The following CLTC variants were observed in gnomAD, a reference collection of about 807,000 sequenced individuals.
The protein encoded by CLTC is clathrin heavy chain 1.
A neutral mutation model predicts 195.8 loss-of-function variants in CLTC; 16 were observed. That is an observed-to-expected ratio of 0.08 (90% CI 0.06 to 0.12). The LOEUF is 0.12. CLTC is among the 10% of genes least tolerant of loss of function. CLTC has a pLI of 1.00. For missense variants in CLTC, 796 were observed against 2,027.0 expected, an observed-to-expected ratio of 0.39 and a Z score of 11.66; for synonymous variants, 667 against 689.4, an observed-to-expected ratio of 0.97 and a Z score of 0.51.
chr17:59,624,853 A>G (rs1408194167), intron 1 of CLTC, among the ~76,000 whole-genome samples: 2 of 152,154 alleles, frequency 1.3e-5, no homozygotes, highest in Non-Finnish European at 2.9e-5. Flanking sequence ...TTTTTTTGGT[A>G]GAGACAGAGT....
rs2033117154 is a variant in CLTC, at chr17:59,683,363, A to G, written c.4042-24A>G. 1.9e-6 allele frequency: 3 copies of G among 1,605,488 alleles called. No individual in the cohort carries two copies. Among genetic ancestry groups the G allele is most frequent in the Non-Finnish European group, 2.6e-6 (3 of 1,176,060 alleles). On this transcript the variant is annotated intron_variant, in intron 25 of 31. Transcript: ENST00000269122. The surrounding 1 kb of genome is among the most constrained non-coding windows in gnomAD (Gnocchi z 6.1). The stretch of plus-strand genomic sequence containing the variant: ...GGCTGTTAGCTAGACTCATATCTAA[A>G]GCAATTAAGTCTTTCTTATGCAGGT...
intron 1 of CLTC, among the ~76,000 whole-genome samples, chr17:59,636,911 C>T (rs2031876303): frequency 6.6e-6 from 1 of 151,472 alleles, no homozygotes; most frequent in Non-Finnish European, 1.5e-5. Context: ...TACAGGTGCC[C>T]ACCACCATGC....
In CLTC at chr17:59,685,863, C is replaced by T; in HGVS notation, c.4827+55C>T. On this transcript the variant is annotated intron_variant, in intron 30 of 31. Coordinates refer to ENST00000269122, the MANE Select transcript of CLTC (RefSeq NM_004859.4). The surrounding 1 kb of genome is among the most constrained non-coding windows in gnomAD (Gnocchi z 5.0). ...TAGTTTCCTTGCATGTAAAATTCTACATGCACATTAATTTTTTTAAATGCT... is the reference window on the plus strand; with the variant it reads ...TAGTTTCCTTGCATGTAAAATTCTATATGCACATTAATTTTTTTAAATGCT... The T allele has an allele frequency of 7.8e-7, 1 of 1,282,350 alleles. No individual in the cohort carries two copies. The highest frequency in any genetic ancestry group is 1.1e-6 in the Non-Finnish European group (1 of 925,114). 79.4% of individuals were successfully genotyped at this position (1,282,350 alleles called of 1,614,324 possible).
chr17:59,624,416 C>T, intron 1 of CLTC, among the ~76,000 whole-genome samples: 1 of 144,276 alleles, frequency 6.9e-6, no homozygotes, highest in Non-Finnish European at 1.5e-5. Context: ...GTTGTTGAAA[C>T]AAATGCTGTC....
chr17:59,622,133 A>G (rs973632586), intron 1 of CLTC, among the ~76,000 whole-genome samples: 4 of 152,230 alleles, frequency 2.6e-5, no homozygotes, highest in Non-Finnish European at 4.4e-5. Context: ...AACTGGATCA[A>G]AGTTTCTGCA....
At chr17:59,675,748 T>G (rs572588248) in intron 16 of CLTC, among the ~76,000 whole-genome samples, 1 of 152,290 alleles carries the variant, frequency 6.6e-6, no homozygotes, top group South Asian at 2.1e-4. Context: ...TTACTGCATA[T>G]TCCAAGCAAA....
chr17:59,673,220 G>C (rs1332525993), intron 14 of CLTC, among the ~76,000 whole-genome samples: 1 of 151,992 alleles, frequency 6.6e-6, no homozygotes, highest in Non-Finnish European at 1.5e-5. Context: ...GATGTGGGGA[G>C]GGATAGAAAA....
Position 59,695,509 on chromosome 17 carries a change from C to T in CLTC, c.*1657C>T, listed in dbSNP as rs920367617. ...TCTCTACTAAAAATAAAAAATCAGC[C>T]AGGTGTGATGGTGGATGCCTATAAG... is the stretch of plus-strand genomic sequence containing the variant. On this transcript the variant is annotated 3_prime_UTR_variant, in exon 32 of 32. Transcript: ENST00000269122. 1.1e-5 allele frequency: 2 copies of T among 176,740 alleles called. No individual in the cohort carries two copies. The highest frequency in any genetic ancestry group is 2.4e-5 in the Non-Finnish European group (2 of 82,274). The allele number at this position is 176,740 out of a possible 1,614,324, so 10.9% of individuals were successfully genotyped here. A position where few individuals can be genotyped will look rare whatever the true frequency, so the allele number is the denominator to read the frequency against.
chr17:59,691,337 C>A (rs1376509436), intron 31 of CLTC, among the ~76,000 whole-genome samples: 3 of 151,964 alleles, frequency 2.0e-5, no homozygotes, highest in Non-Finnish European at 4.4e-5. Context: ...AAAATATGAC[C>A]ATTATGGCTG....
chr17:59,649,842 A>C (rs1175664034), intron 4 of CLTC, among the ~76,000 whole-genome samples: 1 of 151,714 alleles, frequency 6.6e-6, no homozygotes, highest in African/African-American at 2.4e-5. Flanking sequence ...TTAAACAGAA[A>C]AAAACACATA....
chr17:59,658,492 A>G (rs920571200), intron 6 of CLTC, among the ~76,000 whole-genome samples: 1 of 152,224 alleles, frequency 6.6e-6, no homozygotes, highest in African/African-American at 2.4e-5. Context: ...CTTTGAGTAA[A>G]GAGATGAGTA....
At chr17:59,637,591 A>G (rs1285653587) in intron 1 of CLTC, among the ~76,000 whole-genome samples, 6 of 144,886 alleles carry the variant, frequency 4.1e-5, no homozygotes, top group South Asian at 2.3e-4. Context: ...AGCCGGGTAC[A>G]GTGACTCATG....
Position 59,695,293 on chromosome 17 carries a change from G to C in CLTC, c.*1441G>C, listed in dbSNP as rs903028906. On this transcript the variant is annotated 3_prime_UTR_variant, in exon 32 of 32. Transcript: ENST00000269122. ...CATACCCCCTTGCCTAGTTAGTCTT[G>C]CACTGCTTTACAACTCTCTTAGGCA... 1.6e-5 allele frequency: 3 copies of C among 189,262 alleles called. No individual in the cohort carries two copies. The highest frequency in any genetic ancestry group is 3.3e-5 in the Non-Finnish European group (3 of 90,178). The allele number at this position is 189,262 out of a possible 1,614,324, so 11.7% of individuals were successfully genotyped here.
At chr17:59,630,530 A>G (rs1336088415) in intron 1 of CLTC, among the ~76,000 whole-genome samples, 1 of 152,132 alleles carries the variant, frequency 6.6e-6, no homozygotes, top group Non-Finnish European at 1.5e-5. Context: ...AGACATTTTC[A>G]TCTCCCCAAA....
chr17:59,663,710 G>T, intron 8 of CLTC, 132 bp from the exon 9 acceptor site: 1 of 672,996 alleles, frequency 1.5e-6, no homozygotes, highest in Non-Finnish European at 2.4e-6. Context: ...CACAACCCCT[G>T]CATATTTATA....
Position 59,695,767 on chromosome 17 carries a change from T to G in CLTC, c.*1915T>G, listed in dbSNP as rs926093782. The G allele has an allele frequency of 5.2e-6, 1 of 193,340 alleles. No homozygotes were observed. Among genetic ancestry groups the G allele is most frequent in the African/African-American group, 2.3e-5 (1 of 43,092 alleles). The allele number at this position is 193,340 out of a possible 1,614,324, so 12.0% of individuals were successfully genotyped here. A position where few individuals can be genotyped will look rare whatever the true frequency, so the allele number is the denominator to read the frequency against. ...AATACAATGGTGCCCCTGCTTTGAT[T>G]TGTGGGAGGTGCCATCAGTTTTCCC... is the stretch of plus-strand genomic sequence containing the variant. On this transcript the variant is annotated 3_prime_UTR_variant, in exon 32 of 32. Coordinates refer to ENST00000269122, the MANE Select transcript of CLTC (RefSeq NM_004859.4).
chr17:59,642,357 A>G (rs1332718751), intron 1 of CLTC, among the ~76,000 whole-genome samples: 1 of 152,222 alleles, frequency 6.6e-6, no homozygotes, highest in Non-Finnish European at 1.5e-5. Context: ...AAGCTGTGAC[A>G]GGTGAAACTC....
chr17:59,625,246 C>T (rs1269160514), intron 1 of CLTC, among the ~76,000 whole-genome samples: 1 of 151,638 alleles, frequency 6.6e-6, no homozygotes, highest in African/African-American at 2.4e-5. Flanking sequence ...GTCGCTGGGA[C>T]TACAGGCGCG....
rs1028455028 is a variant in CLTC, at chr17:59,694,310, C to A, written c.*458C>A. On this transcript the variant is annotated 3_prime_UTR_variant, in exon 32 of 32. Transcript: ENST00000269122. ...CTAAAGCAAAAACACTGGCATATGA[C>A]CATGCAAGACTGTCAGTGCCAACAA... 3 of 221,652 alleles carry A rather than the reference C, an allele frequency of 1.4e-5. No homozygotes were observed. The highest frequency in any genetic ancestry group is 4.5e-5 in the African/African-American group (2 of 44,668). 13.7% of individuals were successfully genotyped at this position (221,652 alleles called of 1,614,324 possible). A position where few individuals can be genotyped will look rare whatever the true frequency, so the allele number is the denominator to read the frequency against.
Sources: gnomAD v4.1 joint callset for allele counts (sites outside exome capture counted in the v4.1 genomes callset) on GRCh38, gnomAD v4.1.1 for gene constraint, Gnocchi (gnomAD v3.1) non-coding constraint, MANE v1.5 for transcripts, NCBI Gene and HGNC (gene_info 2026-07-23, HGNC 2026-07-21) for gene names.